The following TNS1 variants were observed in gnomAD, a reference collection of about 807,000 sequenced individuals.
The protein encoded by TNS1 is tensin 1, also known as tensin-1.
TNS1 carries 62 observed loss-of-function variants against 168.6 expected under a neutral mutation model. The ratio of observed to expected loss-of-function variants is 0.37; its 90% CI spans 0.30 to 0.45. The LOEUF (loss-of-function observed/expected upper bound fraction) is 0.45. Among genes scored for constraint, TNS1 ranks in the 20% least tolerant of loss-of-function variants. The pLI is 1.00. For missense variants in TNS1, 2,240 were observed against 2,339.4 expected, an observed-to-expected ratio of 0.96 and a Z score of 0.88; for synonymous variants, 934 against 933.2, an observed-to-expected ratio of 1.00 and a Z score of -0.02.
chr2:217,802,392 C>A lies in TNS1; in HGVS notation c.*2067G>T, dbSNP rs746536920. ...CAGAACGTCCACACTGACACAGCTCCTTGGAGGAGAAAAAATACAAAAGAC... is the reference window on the plus strand; with the variant it reads ...CAGAACGTCCACACTGACACAGCTCATTGGAGGAGAAAAAATACAAAAGAC... On this transcript the variant is annotated 3_prime_UTR_variant, in exon 33 of 33. Transcript: ENST00000682258. 1 of 152,276 alleles carries A rather than the reference C, an allele frequency of 6.6e-6. No individual in the cohort carries two copies. Among genetic ancestry groups the A allele is most frequent in the Non-Finnish European group, 1.5e-5 (1 of 68,092 alleles). 9.4% of individuals were successfully genotyped at this position (152,276 alleles called of 1,614,324 possible).
intron 18 of TNS1, chr2:217,859,438 C>A (rs941184688): frequency 9.5e-6 from 5 of 528,796 alleles, no homozygotes; most frequent in Admixed American, 6.3e-5. Flanking sequence ...AAAGAAAAAA[C>A]CCCACAGGGT....
chr2:217,922,415 T>A (rs1199054586), intron 3 of TNS1, among the ~76,000 whole-genome samples: 1 of 152,018 alleles, frequency 6.6e-6, no homozygotes, highest in East Asian at 1.9e-4. Context: ...ACAGCACCCT[T>A]GCTGTGTTCT....
At chr2:217,810,173 A>G in intron 29 of TNS1, 75 bp downstream of exon 29, 1 of 1,545,324 alleles carries the variant, frequency 6.5e-7, no homozygotes. Flanking sequence ...TCCAGCCTGC[A>G]CGTGCAGGAG....
intron 1 of TNS1, among the ~76,000 whole-genome samples, chr2:217,996,336 C>T (rs1446698631): frequency 6.6e-6 from 1 of 152,150 alleles, no homozygotes; most frequent in African/African-American, 2.4e-5. Flanking sequence ...ATCCACTGCC[C>T]CATGCCCCCT....
In TNS1 at chr2:217,899,987, C is replaced by G. The variant is rs1352413555; in HGVS notation, c.371+476G>C. ...CCCTTGTGCATCCCCTTCCCCCGGC[C>G]CCTGCCAGCCCAGCCAGATAGGGAA... On this transcript the variant is annotated intron_variant, in intron 7 of 32. Coordinates refer to ENST00000682258, the MANE Select transcript of TNS1 (RefSeq NM_001387777.1). Among the ~76,000 whole-genome samples, 3 of 152,210 alleles carry G rather than the reference C, an allele frequency of 2.0e-5. No homozygotes were observed. The East Asian group carries it at 5.8e-4, about 29-fold the overall frequency.
At chr2:217,944,381 G>A (rs1474192287) in intron 3 of TNS1, among the ~76,000 whole-genome samples, 4 of 152,224 alleles carry the variant, frequency 2.6e-5, no homozygotes, top group African/African-American at 9.6e-5. Context: ...GGGGAAGCGG[G>A]CAGGGAGGGG....
chr2:217,848,776 C>A lies in TNS1; in HGVS notation c.1741G>T (p.Ala581Ser). 6.2e-7 allele frequency: 1 copy of A among 1,614,144 alleles called. No individual in the cohort carries two copies. Among genetic ancestry groups the A allele is most frequent in the Non-Finnish European group, 8.5e-7 (1 of 1,180,034 alleles). The change falls in exon 19 of 33, where the codon GCC becomes TCC. Residue 581 changes from alanine to serine, a missense_variant. By Grantham distance (99) the Ala-to-Ser change is moderately conservative. This residue lies in a region of TNS1 where 2,131 missense variants were observed against 2,171.2 expected (regional missense o/e 0.98). Coordinates refer to ENST00000682258, the MANE Select transcript of TNS1 (RefSeq NM_001387777.1). The stretch of plus-strand genomic sequence containing the variant: ...CTGAGGTGCTGGGTGTGGTACATGG[C>A]GCCTTGCTTCTCTCGCTCTAAGCCA... ...GFGLEREKQGAMYHTQHLRSR... is the reference protein window; with the variant it reads ...GFGLEREKQGSMYHTQHLRSR...
intron 3 of TNS1, among the ~76,000 whole-genome samples, chr2:217,931,151 A>T (rs1956301913): frequency 6.6e-6 from 1 of 152,168 alleles, no homozygotes; most frequent in African/African-American, 2.4e-5. Flanking sequence ...AGGCATGTAA[A>T]CAGAGAATTG....
At chr2:217,903,598 C>T in intron 6 of TNS1, 1 of 1,536,250 alleles carries the variant, frequency 6.5e-7, no homozygotes, top group Non-Finnish European at 8.7e-7. Flanking sequence ...TCTCCCCATC[C>T]TTACCTCCAA....
At chr2:217,825,569 C>T (rs1943498798) in intron 22 of TNS1, among the ~76,000 whole-genome samples, 1 of 152,344 alleles carries the variant, frequency 6.6e-6, no homozygotes, top group Admixed American at 6.5e-5. Context: ...CTACGCCCCA[C>T]CCTTTTAAAG....
chr2:217,879,121 TCTTC>T (rs1192253253), intron 18 of TNS1, among the ~76,000 whole-genome samples: 1 of 152,206 alleles, frequency 6.6e-6, no homozygotes, highest in African/African-American at 2.4e-5. Flanking sequence ...CGTCTGCTCT[TCTTC>T]CTTCCCCCAC....
chr2:217,963,001 T>C (rs1473127677), intron 3 of TNS1, among the ~76,000 whole-genome samples: 1 of 152,134 alleles, frequency 6.6e-6, no homozygotes, highest in Non-Finnish European at 1.5e-5. Flanking sequence ...GGGTGAAGGA[T>C]ATAAGGAAAC....
intron 2 of TNS1, among the ~76,000 whole-genome samples, chr2:217,988,568 C>T (rs116210223): frequency 0.012 from 1,853 of 152,278 alleles, 37 homozygotes; most frequent in African/African-American, 0.042. Context: ...TATGCATCTT[C>T]GCAGGGCAGG....
chr2:217,978,123 C>T (rs981031771), intron 3 of TNS1, among the ~76,000 whole-genome samples: 2 of 152,170 alleles, frequency 1.3e-5, no homozygotes, highest in African/African-American at 4.8e-5. Context: ...CCAACCAGGG[C>T]CCAGCAATCC....
chr2:218,020,244 C>T (rs1388224894), intron 1 of TNS1, among the ~76,000 whole-genome samples: 2 of 152,066 alleles, frequency 1.3e-5, no homozygotes, highest in African/African-American at 4.8e-5. Context: ...AGTGGGTGAA[C>T]AGCCACAGCA....
intron 18 of TNS1, among the ~76,000 whole-genome samples, chr2:217,874,728 C>T (rs150446460): frequency 4.6e-5 from 7 of 152,362 alleles, no homozygotes; most frequent in Non-Finnish European, 7.3e-5. Context: ...AAATCACTGC[C>T]AGCATGGCAT....
chr2:217,867,431 A>T (rs982829321), intron 18 of TNS1, among the ~76,000 whole-genome samples: 4 of 152,268 alleles, frequency 2.6e-5, no homozygotes, highest in African/African-American at 9.6e-5. Flanking sequence ...GAAACAGCTT[A>T]AATGTTTCTA....
At chr2:217,822,896 G>A (rs756808780) in intron 22 of TNS1, among the ~76,000 whole-genome samples, 1 of 152,196 alleles carries the variant, frequency 6.6e-6, no homozygotes, top group Non-Finnish European at 1.5e-5. Context: ...CCCGGGCCAT[G>A]ATCCGGGAGG....
Position 217,808,074 on chromosome 2 carries a change from C to G in TNS1, c.5375+1G>C, listed in dbSNP as rs1276717077. 1 of 1,613,304 alleles carries G rather than the reference C, an allele frequency of 6.2e-7. No individual in the cohort carries two copies. Among genetic ancestry groups the G allele is most frequent in the Non-Finnish European group, 8.5e-7 (1 of 1,179,998 alleles). On this transcript the variant is annotated splice_donor_variant, in intron 32 of 32. Coordinates refer to ENST00000682258, the MANE Select transcript of TNS1 (RefSeq NM_001387777.1). LOFTEE classifies it high-confidence loss of function. ...GGGCAGGGGTAAGAAGTCACACTTACTTAGCAGGGGCACCACCCTCTGTTT... is the reference window on the plus strand; with the variant it reads ...GGGCAGGGGTAAGAAGTCACACTTAGTTAGCAGGGGCACCACCCTCTGTTT...
Sources: allele counts gnomAD v4.1 joint callset (sites outside exome capture counted in the v4.1 genomes callset), GRCh38; gene constraint gnomAD v4.1.1; regional missense constraint gnomAD v4.1.1; transcripts MANE v1.5; gene names NCBI Gene and HGNC (gene_info 2026-07-23, HGNC 2026-07-21).